KATNIP: variants seen among roughly 807,000 people sequenced by gnomAD.
KATNIP encodes katanin interacting protein.
In KATNIP, 126 loss-of-function variants were observed where a neutral mutation model predicts 174.0. The observed-to-expected ratio is 0.72, with a 90% CI of 0.63 to 0.84. The LOEUF (loss-of-function observed/expected upper bound fraction) is 0.84, where lower values mean the gene tolerates loss of function less well. Among genes scored for constraint, KATNIP ranks in the 40% least tolerant of loss-of-function variants. The pLI is 0.00. For synonymous variants in KATNIP, 810 were observed against 835.7 expected (o/e 0.97, Z 0.53); for missense variants, 1,958 against 2,109.7 (o/e 0.93, Z 1.41).
At chr16:27,734,737 C>A (rs931512749) in intron 14 of KATNIP, among the ~76,000 whole-genome samples, 1 of 152,118 alleles carries the variant, frequency 6.6e-6, no homozygotes, top group African/African-American at 2.4e-5. Flanking sequence ...GGGCTCAGAG[C>A]TCCACCGGTA....
At chr16:27,679,442 G>A (rs2078244815) in intron 7 of KATNIP, among the ~76,000 whole-genome samples, 1 of 152,036 alleles carries the variant, frequency 6.6e-6, no homozygotes, top group Admixed American at 6.6e-5. Context: ...GGGTACTGGC[G>A]GCTAGGATTT....
intron 2 of KATNIP, among the ~76,000 whole-genome samples, chr16:27,596,156 C>A (rs564988554): frequency 6.6e-6 from 1 of 152,004 alleles, no homozygotes; most frequent in Admixed American, 6.6e-5. Context: ...TGACCACAGG[C>A]GAAGGTGAAA....
Position 27,594,721 on chromosome 16 carries a change from G to A in KATNIP, c.63+20765G>A, listed in dbSNP as rs554127406. Among the ~76,000 whole-genome samples the A allele has an allele frequency of 4.6e-5, 7 of 152,246 alleles. 1 individual carries two copies. In the South Asian group the frequency reaches 1.5e-3, roughly 32 times the overall value. On this transcript the variant is annotated intron_variant, in intron 2 of 27. Coordinates refer to ENST00000261588, the MANE Select transcript of KATNIP (RefSeq NM_015202.5). ...TCCCACCTTAGCTGCCCAAAGTGCTGGGATTACAGGTGTGAGACCGTGCCT... is the reference window on the plus strand; with the variant it reads ...TCCCACCTTAGCTGCCCAAAGTGCTAGGATTACAGGTGTGAGACCGTGCCT...
Position 27,779,396 on chromosome 16 carries a change from GT to G in KATNIP, c.*768del, listed in dbSNP as rs1026818723. ...GCTGCTGCCGGGCCAGGAAGGGTGG[GT>G]GGGTGGCCAGCAGGCTGGCAGCTCC... On this transcript the variant is annotated 3_prime_UTR_variant, in exon 28 of 28. Transcript: ENST00000261588. 1 of 152,472 alleles carries G rather than the reference GT, an allele frequency of 6.6e-6. No individual in the cohort carries two copies. Among genetic ancestry groups the G allele is most frequent in the African/African-American group, 2.4e-5 (1 of 41,472 alleles). The allele number at this position is 152,472 out of a possible 1,614,324, so 9.4% of individuals were successfully genotyped here. A position where few individuals can be genotyped will look rare whatever the true frequency, so the allele number is the denominator to read the frequency against.
At chr16:27,550,344 G>A (rs578010033) in intron 1 of KATNIP, among the ~76,000 whole-genome samples, 167 bp downstream of exon 1, 2 of 152,210 alleles carry the variant, frequency 1.3e-5, no homozygotes, top group Non-Finnish European at 2.9e-5. Context: ...GAACGCGGAG[G>A]AGAGCCTGGG....
In KATNIP at chr16:27,750,058, A is replaced by G. The variant is rs753917983; in HGVS notation, c.3098A>G (p.Asn1033Ser). Residue 1033 changes from asparagine (N) to serine (S), a missense_variant, in exon 16 of 28, where the codon AAC becomes AGC. Around this residue, in one of 3 missense-constraint regions of KATNIP, gnomAD observed 1,557 missense variants for 1,617.8 expected, o/e 0.96. Coordinates refer to ENST00000261588, the MANE Select transcript of KATNIP (RefSeq NM_015202.5). ...GGGAAAGACCCCCGCGTGGTCACCA[A>G]CCTCATCGACGGGGTGAACAGGACC... The part of the protein sequence containing the change: ...AYGKDPRVVT[N>S]LIDGVNRTQD... The G allele has an allele frequency of 1.1e-5, 18 of 1,614,026 alleles. No individual in the cohort carries two copies. The highest frequency in any genetic ancestry group is 2.7e-5 in the African/African-American group (2 of 74,896).
At chr16:27,628,087 A>G (rs1388062033) in intron 3 of KATNIP, among the ~76,000 whole-genome samples, 1 of 152,220 alleles carries the variant, frequency 6.6e-6, no homozygotes, top group Non-Finnish European at 1.5e-5. Context: ...GCATTAGAAT[A>G]TGACATGATG....
Position 27,677,966 on chromosome 16 carries a change from G to A in KATNIP, c.778G>A (p.Val260Met), listed in dbSNP as rs766083839. Residue 260 changes from valine (V) to methionine (M), a missense_variant, in exon 7 of 28, where the codon GTG (valine) becomes ATG (methionine). Around this residue, in one of 3 missense-constraint regions of KATNIP, gnomAD observed 1,557 missense variants for 1,617.8 expected, o/e 0.96. Coordinates refer to ENST00000261588, the MANE Select transcript of KATNIP (RefSeq NM_015202.5). ...GRSSPGPDTL[V>M]VLEFNPASKS... ...CTCTTCTCCAGGCCCAGACACCCTC[G>A]TGGTGCTGGAATTTAACCCAGCTTC... 15 of 1,614,036 alleles carry A rather than the reference G, an allele frequency of 9.3e-6. No individual in the cohort carries two copies. The highest frequency in any genetic ancestry group is 4.0e-5 in the African/African-American group (3 of 74,940).
chr16:27,740,496 C>G lies in KATNIP; in HGVS notation c.2199C>G (p.Ile733Met), dbSNP rs1194374909. ...CPPVHEEPSLIQQLENLMGRK... is the reference protein window; with the variant it reads ...CPPVHEEPSLMQQLENLMGRK... Reference sequence around the variant, plus strand: ...CTGTCCATGAGGAGCCCTCTCTCATCCAACAACTGGAAAACCTCATGGGCA... The same window carrying G: ...CTGTCCATGAGGAGCCCTCTCTCATGCAACAACTGGAAAACCTCATGGGCA... Residue 733 changes from isoleucine to methionine, a missense_variant, in exon 15 of 28, where the codon ATC (isoleucine) becomes ATG (methionine). By Grantham distance (10) the Ile-to-Met change is conservative (BLOSUM62 1). Around this residue, in one of 3 missense-constraint regions of KATNIP, gnomAD observed 1,557 missense variants for 1,617.8 expected, o/e 0.96. Transcript: ENST00000261588. The G allele has an allele frequency of 6.2e-7, 1 of 1,614,174 alleles. No homozygotes were observed. The highest frequency in any genetic ancestry group is 2.2e-5 in the East Asian group (1 of 44,890).
chr16:27,689,677 C>T (rs956830332), intron 8 of KATNIP, among the ~76,000 whole-genome samples: 1 of 152,170 alleles, frequency 6.6e-6, no homozygotes, highest in African/African-American at 2.4e-5. Flanking sequence ...CCAGGTCTGT[C>T]GGCTAACTAT....
intron 14 of KATNIP, among the ~76,000 whole-genome samples, chr16:27,728,154 G>A (rs2080523900): frequency 1.3e-5 from 2 of 152,290 alleles, no homozygotes; most frequent in African/African-American, 4.8e-5. Flanking sequence ...GGCCCGGGAA[G>A]TATGACGGGC....
chr16:27,700,740 C>T (rs540532889), intron 10 of KATNIP, among the ~76,000 whole-genome samples: 5 of 152,190 alleles, frequency 3.3e-5, no homozygotes, highest in Admixed American at 6.5e-5. Flanking sequence ...CTTTGTGAGG[C>T]GGCGAAGTGG....
At chr16:27,713,821 T>C (rs1352508188) in intron 13 of KATNIP, among the ~76,000 whole-genome samples, 21 of 42,410 alleles carry the variant, frequency 5.0e-4, no homozygotes, top group African/African-American at 2.4e-3. Flanking sequence ...TATATATATA[T>C]ATATATATAT....
chr16:27,642,534 C>T (rs1419158981), intron 5 of KATNIP, among the ~76,000 whole-genome samples: 1 of 152,116 alleles, frequency 6.6e-6, no homozygotes, highest in African/African-American at 2.4e-5. Context: ...CCAGGAATCT[C>T]CGGGCCTGGA....
chr16:27,628,722 G>A lies in KATNIP; in HGVS notation c.202G>A (p.Gly68Ser). The change falls in exon 4 of 28, where the codon GGT (glycine) becomes AGT (serine). Residue 68 changes from glycine (G) to serine (S), a missense_variant. Transcript: ENST00000261588. Reference sequence around the variant, plus strand: ...ATTGAGGCTGGAGCACTTGGAGCAAGGTTTCTCTGTCTATGTCAACGGTGC... The same window carrying A: ...ATTGAGGCTGGAGCACTTGGAGCAAAGTTTCTCTGTCTATGTCAACGGTGC... Reference protein sequence around the residue: ...VQLRLEHLEQGFSVYVNGANS... With the variant: ...VQLRLEHLEQSFSVYVNGANS... 3.7e-6 allele frequency: 6 copies of A among 1,614,232 alleles called. No homozygotes were observed. Among genetic ancestry groups the A allele is most frequent in the Non-Finnish European group, 5.1e-6 (6 of 1,180,046 alleles).
At chr16:27,572,655 C>T (rs764050978) in intron 1 of KATNIP, among the ~76,000 whole-genome samples, 6 of 152,042 alleles carry the variant, frequency 3.9e-5, no homozygotes, top group South Asian at 2.1e-4. Context: ...AGGTTCAGGG[C>T]GTGGGATTAT....
chr16:27,595,568 C>CA (rs2075311220), intron 2 of KATNIP, among the ~76,000 whole-genome samples: 2 of 152,168 alleles, frequency 1.3e-5, no homozygotes, highest in South Asian at 4.1e-4. Context: ...TTTGTGCACT[C>CA]ATTCTTTCAT....
At chr16:27,765,448 A>G (rs2082089419) in intron 19 of KATNIP, among the ~76,000 whole-genome samples, 1 of 152,182 alleles carries the variant, frequency 6.6e-6, no homozygotes, top group African/African-American at 2.4e-5. Flanking sequence ...GCTCCCTCCT[A>G]CAGGTTAGAG....
intron 11 of KATNIP, among the ~76,000 whole-genome samples, chr16:27,702,480 C>T (rs2079138184): frequency 6.6e-6 from 1 of 152,182 alleles, no homozygotes; most frequent in African/African-American, 2.4e-5. Context: ...AGGCTGAGAG[C>T]CTGTAGTTTC....
Sources: gnomAD v4.1 joint callset for allele counts (sites outside exome capture counted in the v4.1 genomes callset) on GRCh38, gnomAD v4.1.1 for gene constraint, gnomAD v4.1.1 regional missense constraint, MANE v1.5 for transcripts, NCBI Gene and HGNC (gene_info 2026-07-23, HGNC 2026-07-21) for gene names.